Variants in TRRAP observed in about 807,000 individuals in gnomAD.
TRRAP encodes the protein transformation/transcription domain associated protein.
A neutral mutation model predicts 438.8 loss-of-function variants in TRRAP; 41 were observed. The observed-to-expected ratio is 0.09, with a 90% CI of 0.07 to 0.12. The LOEUF (loss-of-function observed/expected upper bound fraction) is 0.12, where lower values mean the gene tolerates loss of function less well. Among genes scored for constraint, TRRAP ranks in the 10% least tolerant of loss-of-function variants. The probability of loss-of-function intolerance (pLI) is 1.00; values close to 1 mark genes in which losing one functional copy is unlikely to be tolerated. For synonymous variants in TRRAP, 1,994 were observed against 1,962.9 expected (o/e 1.02, Z -0.42); for missense variants, 3,122 against 5,055.1 (o/e 0.62, Z 11.60).
intron 6 of TRRAP, among the ~76,000 whole-genome samples, chr7:98,894,367 A>G (rs1340283183): frequency 6.6e-6 from 1 of 152,222 alleles, no homozygotes; most frequent in East Asian, 1.9e-4. Flanking sequence ...AGTGATTGGC[A>G]TCTACCTATA....
At chr7:99,004,880 C>T (rs1354328959) in intron 68 of TRRAP, among the ~76,000 whole-genome samples, 2 of 152,218 alleles carry the variant, frequency 1.3e-5, no homozygotes, top group Non-Finnish European at 2.9e-5. Flanking sequence ...GTTGCCCTTT[C>T]CTCCAAATCT....
At chr7:98,884,143 A>G (rs1795587684) in intron 3 of TRRAP, among the ~76,000 whole-genome samples, 2 of 152,324 alleles carry the variant, frequency 1.3e-5, no homozygotes, top group Middle Eastern at 3.4e-3. Flanking sequence ...GGAGGTTATT[A>G]AGATGTTAAG....
In TRRAP at chr7:99,008,810, C is replaced by T. The variant is rs1794309202; in HGVS notation, c.10938+249C>T. On this transcript the variant is annotated intron_variant, in intron 70 of 72. Coordinates refer to ENST00000456197, the MANE Select transcript of TRRAP (RefSeq NM_001375524.1). Reference sequence around the variant, plus strand: ...GTCAGTCCTCGACCTTGGAGAGGCCCCTTGCCCTCTGCCTGTACTTACAAA... The same window carrying T: ...GTCAGTCCTCGACCTTGGAGAGGCCTCTTGCCCTCTGCCTGTACTTACAAA... 2.6e-5 allele frequency among the ~76,000 whole-genome samples: 4 copies of T among 152,176 alleles called. 1 individual carries two copies. The South Asian group carries it at 8.3e-4, about 32-fold the overall frequency.
At chr7:98,882,127 G>T in intron 3 of TRRAP, 103 bp downstream of exon 3, 1 of 993,188 alleles carries the variant, frequency 1.0e-6, no homozygotes, top group South Asian at 1.6e-5. Context: ...AAAGATCATT[G>T]TCTTTGTTCA....
At chr7:98,923,007 CG>C (rs1306573689) in intron 21 of TRRAP, among the ~76,000 whole-genome samples, 3 of 152,112 alleles carry the variant, frequency 2.0e-5, no homozygotes, top group African/African-American at 7.2e-5. Context: ...GCCTGTCCCC[CG>C]CAACTTCCTC....
At chr7:98,983,849 C>T (rs1040138313) in intron 60 of TRRAP, among the ~76,000 whole-genome samples, 1 of 152,080 alleles carries the variant, frequency 6.6e-6, no homozygotes, top group Non-Finnish European at 1.5e-5. Flanking sequence ...CAGGCATCCA[C>T]GTGTTTAGAG....
intron 21 of TRRAP, among the ~76,000 whole-genome samples, chr7:98,923,119 C>A (rs568639012): frequency 8.1e-4 from 124 of 152,294 alleles, no homozygotes; most frequent in South Asian, 7.3e-3. Flanking sequence ...CTAACCCAAA[C>A]CTTCATCCAC....
chr7:98,962,292 C>T lies in TRRAP; in HGVS notation c.6704-10C>T. ...ATAACCACAGTGCCTGGGTCCCTGCCCTGTTGTAGGTACTTCCAGTGTGGC... is the reference window on the plus strand; with the variant it reads ...ATAACCACAGTGCCTGGGTCCCTGCTCTGTTGTAGGTACTTCCAGTGTGGC... On this transcript the variant is annotated splice_polypyrimidine_tract_variant and intron_variant, in intron 46 of 72. Coordinates refer to ENST00000456197, the MANE Select transcript of TRRAP (RefSeq NM_001375524.1). 1 of 1,614,108 alleles carries T rather than the reference C, an allele frequency of 6.2e-7. No homozygotes were observed. The highest frequency in any genetic ancestry group is 8.5e-7 in the Non-Finnish European group (1 of 1,179,990).
Position 98,959,384 on chromosome 7 carries a change from T to A in TRRAP, c.6383T>A (p.Val2128Glu), listed in dbSNP as rs1389541888. 1 of 1,613,402 alleles carries A rather than the reference T, an allele frequency of 6.2e-7. No individual in the cohort carries two copies. Among genetic ancestry groups the A allele is most frequent in the Non-Finnish European group, 8.5e-7 (1 of 1,179,894 alleles). The change falls in exon 45 of 73, where the codon GTG becomes GAG. Residue 2128 changes from valine (V) to glutamate (E), a missense_variant. By Grantham distance (121) the Val-to-Glu change is moderately radical (BLOSUM62 -2). This residue lies in a region of TRRAP where 992 missense variants were observed against 1,281.2 expected (regional missense o/e 0.77). Transcript: ENST00000456197. ...NTNTAGSPGE[V>E]LSRRCVNLLK... ...AACACAGCGGGGTCCCCTGGGGAGG[T>A]GCTCTCTCGCCGGTGTGTGAACCTT... is the stretch of plus-strand genomic sequence containing the variant.
intron 2 of TRRAP, 108 bp from the exon 3 acceptor site, chr7:98,881,867 A>G (rs1795454051): frequency 3.2e-6 from 4 of 1,257,538 alleles, no homozygotes; most frequent in South Asian, 1.4e-5. Flanking sequence ...TGACAGTCAA[A>G]CTGATAAGAT....
At chr7:98,999,621 G>T in intron 67 of TRRAP, 1 of 828,116 alleles carries the variant, frequency 1.2e-6, no homozygotes, top group South Asian at 1.4e-5. Context: ...ATAGAGCAGA[G>T]AGCTGAGTTG....
chr7:98,967,265 G>T, intron 50 of TRRAP, 103 bp downstream of exon 50: 2 of 1,453,264 alleles, frequency 1.4e-6, no homozygotes, highest in South Asian at 1.3e-5. Flanking sequence ...TCATACCTAA[G>T]TTTAAAATAT....
chr7:98,987,283 T>G (rs1225732850), intron 62 of TRRAP, among the ~76,000 whole-genome samples: 1 of 152,244 alleles, frequency 6.6e-6, no homozygotes, highest in Non-Finnish European at 1.5e-5. Flanking sequence ...CGACAGAGAT[T>G]GCATTGAATC....
In TRRAP at chr7:98,962,519, G is replaced by C. The variant is rs1791952125; in HGVS notation, c.6829+92G>C. 8 of 1,595,832 alleles carry C rather than the reference G, an allele frequency of 5.0e-6. No homozygotes were observed. The East Asian group carries it at 1.8e-4, about 36-fold the overall frequency. On this transcript the variant is annotated intron_variant, in intron 47 of 72. Transcript: ENST00000456197. The stretch of plus-strand genomic sequence containing the variant: ...TGCTTCCCTTTGGGAAAGGGCTCCG[G>C]TTGTTGGGCAGAGCTTTGAGCCGCT...
At chr7:98,939,241 A>T (rs138697233) in intron 30 of TRRAP, among the ~76,000 whole-genome samples, 1 of 152,254 alleles carries the variant, frequency 6.6e-6, no homozygotes, top group South Asian at 2.1e-4. Flanking sequence ...CTTTCCCCCA[A>T]CTATAAACAG....
rs1260773063 is a variant in TRRAP at position 98,948,167 on chromosome 7, C to G, written c.4549-54C>G. 7.5e-6 allele frequency: 12 copies of G among 1,608,936 alleles called. No individual in the cohort carries two copies. The highest frequency in any genetic ancestry group is 9.3e-6 in the Non-Finnish European group (11 of 1,179,544). ...GTAGGGTCTGTAGTGACGTTGACCTCTGTCACTTGCAAAATTAATCGACCT... is the reference window on the plus strand; with the variant it reads ...GTAGGGTCTGTAGTGACGTTGACCTGTGTCACTTGCAAAATTAATCGACCT... On this transcript the variant is annotated intron_variant, in intron 33 of 72. Coordinates refer to ENST00000456197, the MANE Select transcript of TRRAP (RefSeq NM_001375524.1). This position sits in a 1 kb window ranked among gnomAD's most constrained non-coding sequence, Gnocchi z 4.9.
intron 5 of TRRAP, 127 bp from the exon 6 acceptor site, chr7:98,893,671 G>T: frequency 1.2e-6 from 1 of 826,078 alleles, no homozygotes; most frequent in Admixed American, 2.4e-5. Context: ...TGTGTTCTGT[G>T]AGCTGATGAA....
chr7:98,983,997 ATG>A (rs1491417853), intron 60 of TRRAP, 94 bp from the exon 61 acceptor site: 235 of 1,398,644 alleles, frequency 1.7e-4, no homozygotes, highest in South Asian at 2.0e-4. Context: ...TTCATAAGCC[ATG>A]TGTGTGTGTG....
chr7:98,925,022 C>A, intron 21 of TRRAP, 90 bp from the exon 22 acceptor site: 1 of 1,454,608 alleles, frequency 6.9e-7, no homozygotes, highest in Non-Finnish European at 9.2e-7. Flanking sequence ...AAAAAAGATT[C>A]TTCTGGGTGC....
Sources: allele counts gnomAD v4.1 joint callset (sites outside exome capture counted in the v4.1 genomes callset), GRCh38; gene constraint gnomAD v4.1.1; regional missense constraint gnomAD v4.1.1; non-coding constraint Gnocchi (gnomAD v3.1); transcripts MANE v1.5; gene names NCBI Gene and HGNC (gene_info 2026-07-23, HGNC 2026-07-21).